The following LIAS variants were observed in gnomAD, a reference collection of about 807,000 sequenced individuals.
The protein encoded by LIAS is lipoic acid synthetase.
LIAS carries 36 observed loss-of-function variants against 49.4 expected under a neutral mutation model. The observed-to-expected ratio is 0.73, with a 90% CI of 0.56 to 0.96. The LOEUF is 0.96. Among genes scored for constraint, LIAS ranks in the 40% least tolerant of loss-of-function variants. The pLI is 0.00. For synonymous variants in LIAS, 145 were observed against 155.8 expected (o/e 0.93, Z 0.52); for missense variants, 399 against 456.3 (o/e 0.87, Z 1.14).
chr4:39,462,095 AATT>A (rs1744528403), intron 2 of LIAS, 98 bp from the exon 3 acceptor site: 2 of 465,822 alleles, frequency 4.3e-6, no homozygotes, highest in African/African-American at 2.1e-5. Flanking sequence ...TTATAGAAAA[AATT>A]ATTAACTAGG....
At chr4:39,463,699 G>C in intron 4 of LIAS, 94 bp downstream of exon 4, 1 of 1,440,814 alleles carries the variant, frequency 6.9e-7, no homozygotes, top group Non-Finnish European at 9.2e-7. Flanking sequence ...TGAATCTCTG[G>C]TCAGATTTTT....
intron 1 of LIAS, among the ~76,000 whole-genome samples, chr4:39,460,325 A>T (rs1037866438): frequency 2.6e-5 from 4 of 152,128 alleles, no homozygotes; most frequent in Non-Finnish European, 4.4e-5. Context: ...TGAGGTCAGG[A>T]GATCGAGACC....
At chr4:39,473,784 A>G (rs1401785850) in intron 10 of LIAS, 1 of 152,190 alleles carries the variant, frequency 6.6e-6, no homozygotes, top group Non-Finnish European at 1.5e-5. Context: ...TACTTTTGGA[A>G]TTTCAGCTCT....
chr4:39,462,858 G>T (rs1359275280), intron 3 of LIAS, among the ~76,000 whole-genome samples: 1 of 152,174 alleles, frequency 6.6e-6, no homozygotes, highest in Non-Finnish European at 1.5e-5. Flanking sequence ...GTGGTGGCGT[G>T]AGCCTGTAGT....
intron 4 of LIAS, 163 bp downstream of exon 4, chr4:39,463,768 G>A: frequency 1.6e-6 from 2 of 1,290,284 alleles, no homozygotes; most frequent in Non-Finnish European, 9.9e-7. Flanking sequence ...AATCCAACCT[G>A]TTGTAATCTC....
chr4:39,463,791 A>G, intron 4 of LIAS, 186 bp downstream of exon 4: 1 of 1,186,310 alleles, frequency 8.4e-7, no homozygotes, highest in Non-Finnish European at 1.1e-6. Context: ...CCTTCTCTGA[A>G]TAAATCTATT....
At chr4:39,470,293 C>A in intron 8 of LIAS, 129 bp downstream of exon 8, 1 of 594,588 alleles carries the variant, frequency 1.7e-6, no homozygotes, top group Non-Finnish European at 2.7e-6. Context: ...GAAAAGGAAA[C>A]CAACTTGCAC....
chr4:39,461,452 G>A (rs1278306375), intron 2 of LIAS, among the ~76,000 whole-genome samples: 2 of 152,230 alleles, frequency 1.3e-5, no homozygotes, highest in African/African-American at 2.4e-5. Flanking sequence ...ACAGTCTCCA[G>A]TCCAAATTTT....
At chr4:39,469,965 A>G (rs1304547161) in intron 7 of LIAS, 54 bp from the exon 8 acceptor site, 3 of 1,555,514 alleles carry the variant, frequency 1.9e-6, no homozygotes, top group African/African-American at 1.4e-5. Flanking sequence ...TTGCATAACT[A>G]TGTACTTGGT....
intron 7 of LIAS, 140 bp downstream of exon 7, chr4:39,467,786 A>G (rs1158150088): frequency 4.1e-6 from 3 of 729,416 alleles, no homozygotes; most frequent in African/African-American, 1.8e-5. Flanking sequence ...GGCAAACTCA[A>G]TCTATGTCTC....
chr4:39,468,676 C>A (rs1210750664), intron 7 of LIAS, among the ~76,000 whole-genome samples: 1 of 149,280 alleles, frequency 6.7e-6, no homozygotes, highest in African/African-American at 2.4e-5. Flanking sequence ...GTTGGGAGTT[C>A]AAGACCAGTC....
chr4:39,474,664 T>C (rs1745126581), intron 10 of LIAS, among the ~76,000 whole-genome samples: 1 of 151,886 alleles, frequency 6.6e-6, no homozygotes, highest in Admixed American at 6.6e-5. Flanking sequence ...GGCACAATCT[T>C]GACTCACTGC....
rs1266064865 is a variant in LIAS at position 39,478,746 on chromosome 4, T to C, written c.*1631T>C. The C allele has an allele frequency of 1.3e-5, 2 of 152,206 alleles. No individual in the cohort carries two copies. The highest frequency in any genetic ancestry group is 6.5e-5 in the Admixed American group (1 of 15,284). 9.4% of individuals were successfully genotyped at this position (152,206 alleles called of 1,614,324 possible). A position where few individuals can be genotyped will look rare whatever the true frequency, so the allele number is the denominator to read the frequency against. On this transcript the variant is annotated 3_prime_UTR_variant, in exon 11 of 11. Coordinates refer to ENST00000640888, the MANE Select transcript of LIAS (RefSeq NM_006859.4). ...TGATGGTAAAGGCCTGAGAAAGGAA[T>C]TTCCTTCCAAAATACTAATAACTCA...
intron 4 of LIAS, 112 bp downstream of exon 4, chr4:39,463,717 T>G: frequency 7.3e-7 from 1 of 1,375,184 alleles, no homozygotes; most frequent in Non-Finnish European, 9.5e-7. Flanking sequence ...TTTCATTACA[T>G]TTGCATTTAT....
rs957234882 is a variant in LIAS, at chr4:39,479,241, A to T, written c.*2126A>T. The T allele has an allele frequency of 3.3e-5, 5 of 151,812 alleles. No homozygotes were observed. Among genetic ancestry groups the T allele is most frequent in the Admixed American group, 3.3e-4 (5 of 15,210 alleles). The allele number at this position is 151,812 out of a possible 1,614,324, so 9.4% of individuals were successfully genotyped here. On this transcript the variant is annotated 3_prime_UTR_variant, in exon 11 of 11. Coordinates refer to ENST00000640888, the MANE Select transcript of LIAS (RefSeq NM_006859.4). ...TTTTTAAGTAATGCATGGGCCGGGCATGGTGGCTTAATGCCTGTAATTCCA... is the reference window on the plus strand; with the variant it reads ...TTTTTAAGTAATGCATGGGCCGGGCTTGGTGGCTTAATGCCTGTAATTCCA...
chr4:39,475,024 TG>T (rs1482030041), intron 10 of LIAS: 1 of 152,028 alleles, frequency 6.6e-6, no homozygotes, highest in Admixed American at 6.6e-5. Flanking sequence ...CTGGCCAACA[TG>T]GTGAAACCCC....
At chr4:39,473,672 T>C (rs901856146) in intron 10 of LIAS, 8 of 152,322 alleles carry the variant, frequency 5.3e-5, no homozygotes, top group African/African-American at 1.9e-4. Context: ...TCATTAAATT[T>C]CTTTGTATTT....
At chr4:39,473,392 T>C (rs1745065266) in intron 10 of LIAS, 181 bp downstream of exon 10, 2 of 445,710 alleles carry the variant, frequency 4.5e-6, no homozygotes, top group Admixed American at 8.1e-5. Context: ...TTAAGAAAAG[T>C]TTCTCTTAAT....
At position 39,460,821 on chromosome 4, in the gene LIAS, G is replaced by A. The variant is rs746748677; in HGVS notation, c.77G>A (p.Arg26Lys). 17 of 1,592,236 alleles carry A rather than the reference G, an allele frequency of 1.1e-5. No homozygotes were observed. The South Asian group carries it at 2.0e-4, about 19-fold the overall frequency. The change falls in exon 2 of 11, where the codon AGA becomes AAA. Residue 26 changes from arginine to lysine, a missense_variant. Arg to Lys is a conservative substitution (Grantham distance 26, BLOSUM62 2). Transcript: ENST00000640888. ...GGGAGATATTTTTGCAGCCCAGTCA[G>A]ACCGTTAAGCTCCTTGCCAGATAAA... ...VFGRYFCSPV[R>K]PLSSLPDKKK...
Sources: allele counts gnomAD v4.1 joint callset (sites outside exome capture counted in the v4.1 genomes callset), GRCh38; gene constraint gnomAD v4.1.1; transcripts MANE v1.5; gene names NCBI Gene and HGNC (gene_info 2026-07-23, HGNC 2026-07-21).